Variants in PCDH15 observed in about 807,000 individuals in gnomAD.
PCDH15 encodes the protein protocadherin related 15.
Under a neutral mutation model 178.5 loss-of-function variants are expected in PCDH15, and 129 were observed. The ratio of observed to expected loss-of-function variants is 0.72; its 90% CI spans 0.63 to 0.84. PCDH15 has a LOEUF of 0.84. PCDH15 is among the 40% of genes least tolerant of loss of function. PCDH15 has a pLI of 0.00. For missense variants in PCDH15, 2,230 were observed against 2,099.9 expected (o/e 1.06, Z -1.21); for synonymous variants, 800 against 732.0 (o/e 1.09, Z -1.50).
chr10:55,589,169 T>C (rs1010670149), intron 2 of PCDH15, among the ~76,000 whole-genome samples: 1 of 151,946 alleles, frequency 6.6e-6, no homozygotes, highest in African/African-American at 2.4e-5. Flanking sequence ...GGTTTTCTTC[T>C]AGGGTTTTTA....
intron 32 of PCDH15, 100 bp from the exon 33 acceptor site, chr10:53,820,330 TAATAAA>T (rs2076212745): frequency 7.6e-6 from 3 of 393,594 alleles, no homozygotes; most frequent in Admixed American, 4.4e-5. Flanking sequence ...GCAGATGGGC[TAATAAA>T]AATAATCAGA....
chr10:55,509,729 T>G (rs973347364), intron 2 of PCDH15, among the ~76,000 whole-genome samples: 3 of 151,888 alleles, frequency 2.0e-5, no homozygotes, highest in African/African-American at 7.2e-5. Context: ...GATAAGGACT[T>G]TGGCAGCAAT....
chr10:54,317,505 T>G, intron 7 of PCDH15, 64 bp from the exon 8 acceptor site: 2 of 1,578,864 alleles, frequency 1.3e-6, no homozygotes, highest in African/African-American at 1.3e-5. Context: ...CCAGGAGCAG[T>G]GGCCCATACC....
intron 1 of PCDH15, among the ~76,000 whole-genome samples, chr10:54,753,773 G>T (rs1332475995): frequency 6.6e-6 from 1 of 151,946 alleles, no homozygotes; most frequent in Non-Finnish European, 1.5e-5. Context: ...AGCACAGAAA[G>T]GTGACCTCGG....
intron 8 of PCDH15, among the ~76,000 whole-genome samples, chr10:54,280,381 T>A (rs558151835): frequency 6.6e-6 from 1 of 151,524 alleles, no homozygotes; most frequent in South Asian, 2.1e-4. Context: ...TAAAAGATAT[T>A]TATCAAGTCT....
At chr10:54,545,714 G>GTACTTATAA (rs1450370033) in intron 2 of PCDH15, among the ~76,000 whole-genome samples, 1 of 152,064 alleles carries the variant, frequency 6.6e-6, no homozygotes, top group Non-Finnish European at 1.5e-5. Context: ...GCTGCTAAAA[G>GTACTTATAA]TACTTATAAT....
intron 2 of PCDH15, among the ~76,000 whole-genome samples, chr10:55,092,610 T>C (rs1243595104): frequency 6.6e-6 from 1 of 151,870 alleles, no homozygotes; most frequent in Non-Finnish European, 1.5e-5. Context: ...TAAAACAAAA[T>C]GGCTCAATAT....
At chr10:55,568,435 T>C (rs1409059749) in intron 2 of PCDH15, among the ~76,000 whole-genome samples, 1 of 151,992 alleles carries the variant, frequency 6.6e-6, no homozygotes, top group Non-Finnish European at 1.5e-5. Context: ...TTAAAGATTG[T>C]AAGAGTTCTG....
chr10:54,955,505 CA>C (rs1838462554), intron 2 of PCDH15, among the ~76,000 whole-genome samples: 1 of 151,226 alleles, frequency 6.6e-6, no homozygotes, highest in Non-Finnish European at 1.5e-5. Context: ...TACCAATTGA[CA>C]AGGTATGTTT....
intron 1 of PCDH15, among the ~76,000 whole-genome samples, chr10:55,305,804 T>C (rs912081561): frequency 3.9e-5 from 6 of 152,190 alleles, no homozygotes; most frequent in African/African-American, 1.2e-4. Context: ...TGTCCATAAA[T>C]GTACTTTGTG....
intron 21 of PCDH15, among the ~76,000 whole-genome samples, chr10:53,977,783 G>C (rs1347391433): frequency 1.3e-5 from 2 of 152,180 alleles, no homozygotes; most frequent in Non-Finnish European, 2.9e-5. Context: ...TACAATGGGG[G>C]TATAGGCATT....
chr10:55,611,001 G>T (rs1279653530), intron 2 of PCDH15, among the ~76,000 whole-genome samples: 1 of 152,126 alleles, frequency 6.6e-6, no homozygotes, highest in Non-Finnish European at 1.5e-5. Context: ...GAATCTCAGT[G>T]TTGTAAGAAA....
chr10:55,135,029 C>A (rs528090298), intron 2 of PCDH15, among the ~76,000 whole-genome samples: 1 of 152,076 alleles, frequency 6.6e-6, no homozygotes, highest in Non-Finnish European at 1.5e-5. Flanking sequence ...TATGTGATCA[C>A]TCCTATATAA....
At chr10:55,449,437 C>A (rs1194950159) in intron 2 of PCDH15, among the ~76,000 whole-genome samples, 2 of 151,940 alleles carry the variant, frequency 1.3e-5, no homozygotes, top group Non-Finnish European at 2.9e-5. Flanking sequence ...AGTACACCTA[C>A]AATGCAGTGT....
chr10:54,903,037 A>G (rs544396873), intron 2 of PCDH15, among the ~76,000 whole-genome samples: 2 of 152,196 alleles, frequency 1.3e-5, no homozygotes, highest in Non-Finnish European at 2.9e-5. Flanking sequence ...GATTTTTCAA[A>G]TTAGACTTTG....
intron 2 of PCDH15, among the ~76,000 whole-genome samples, chr10:54,595,144 A>C (rs1420789769): frequency 6.6e-6 from 1 of 152,172 alleles, no homozygotes; most frequent in Non-Finnish European, 1.5e-5. Flanking sequence ...GGTACATGCA[A>C]ATGTGGACAC....
intron 2 of PCDH15, among the ~76,000 whole-genome samples, chr10:55,609,233 C>G (rs1248810734): frequency 2.0e-5 from 3 of 151,934 alleles, no homozygotes; most frequent in Non-Finnish European, 4.4e-5. Flanking sequence ...ATAAGTGTAA[C>G]CAATCTAAAT....
intron 1 of PCDH15, among the ~76,000 whole-genome samples, chr10:55,217,278 G>A (rs1840733737): frequency 6.6e-6 from 1 of 151,524 alleles, no homozygotes; most frequent in Non-Finnish European, 1.5e-5. Flanking sequence ...CAATAGATAG[G>A]GAAAATATTT....
intron 2 of PCDH15, among the ~76,000 whole-genome samples, chr10:55,086,895 T>G (rs1411496148): frequency 6.6e-6 from 1 of 152,074 alleles, no homozygotes; most frequent in Non-Finnish European, 1.5e-5. Flanking sequence ...AGAAAGTACT[T>G]GTCTATAGAA....
Sources: allele counts gnomAD v4.1 joint callset (sites outside exome capture counted in the v4.1 genomes callset), GRCh38; gene constraint gnomAD v4.1.1; transcripts MANE v1.5; gene names NCBI Gene and HGNC (gene_info 2026-07-23, HGNC 2026-07-21).